The following BPNT1 variants were observed in gnomAD, a reference collection of about 807,000 sequenced individuals.
BPNT1 encodes 3'(2'), 5'-bisphosphate nucleotidase 1.
BPNT1 carries 28 observed loss-of-function variants against 36.9 expected under a neutral mutation model. That is an observed-to-expected ratio of 0.76 (90% CI 0.56 to 1.04). The LOEUF (loss-of-function observed/expected upper bound fraction) is 1.04. Among genes scored for constraint, BPNT1 ranks in the 50% least tolerant of loss-of-function variants. BPNT1 has a pLI of 0.00. For synonymous variants in BPNT1, 119 were observed against 130.9 expected (o/e 0.91, Z 0.62); for missense variants, 313 against 372.9 (o/e 0.84, Z 1.32).
chr1:220,082,079 T>TAG (rs1262791343), intron 1 of BPNT1, among the ~76,000 whole-genome samples: 69 of 110,540 alleles, frequency 6.2e-4, no homozygotes, highest in South Asian at 1.9e-3. Flanking sequence ...TATATATATA[T>TAG]ATATATAGAG....
intron 4 of BPNT1, among the ~76,000 whole-genome samples, chr1:220,071,025 T>A (rs1209317404): frequency 6.6e-6 from 1 of 151,346 alleles, no homozygotes; most frequent in Non-Finnish European, 1.5e-5. Context: ...TAATCCCAGT[T>A]ACTCAGGAGG....
chr1:220,082,492 G>A (rs1655274050), intron 1 of BPNT1, among the ~76,000 whole-genome samples: 1 of 151,880 alleles, frequency 6.6e-6, no homozygotes, highest in Non-Finnish European at 1.5e-5. Flanking sequence ...TGGGACTATA[G>A]AGAACATTAT....
At chr1:220,089,101 G>GAA (rs764942826) in intron 1 of BPNT1, among the ~76,000 whole-genome samples, 2,795 of 39,136 alleles carry the variant, frequency 0.071, 245 homozygotes, top group East Asian at 0.26. Context: ...ACTCCGTCTC[G>GAA]AAAAAAAAAA....
intron 2 of BPNT1, among the ~76,000 whole-genome samples, chr1:220,074,741 G>A (rs375800901): frequency 2.2e-4 from 34 of 151,924 alleles, no homozygotes; most frequent in African/African-American, 6.0e-4. Flanking sequence ...TGATCCACCC[G>A]CCTTGACCTC....
Position 220,082,079 on chromosome 1 carries a change from T to G in BPNT1, c.-8-2225A>C, listed in dbSNP as rs866922468. ...TCCAAGGACAATATATATATATATA[T>G]ATATATAGAGAGAGAGAGAGAGAGA... is the stretch of plus-strand genomic sequence containing the variant. On this transcript the variant is annotated intron_variant, in intron 1 of 8. Coordinates refer to ENST00000322067, the MANE Select transcript of BPNT1 (RefSeq NM_006085.6). Among the ~76,000 whole-genome samples the G allele has an allele frequency of 5.5e-3, 605 of 110,476 alleles. 2 individuals carry two copies. Among genetic ancestry groups the G allele is most frequent in the African/African-American group, 0.018 (552 of 31,396 alleles). The allele number at this position is 110,476 out of a possible 152,430, so 72.5% of individuals were successfully genotyped here. A position where few individuals can be genotyped will look rare whatever the true frequency, so the allele number is the denominator to read the frequency against.
chr1:220,082,696 T>C (rs1002336854), intron 1 of BPNT1, among the ~76,000 whole-genome samples: 3 of 151,794 alleles, frequency 2.0e-5, no homozygotes, highest in Non-Finnish European at 4.4e-5. Flanking sequence ...AAGTGATTCT[T>C]GTGCTTCAGC....
intron 7 of BPNT1, 93 bp downstream of exon 7, chr1:220,062,664 T>C (rs1231810318): frequency 2.9e-5 from 40 of 1,374,444 alleles, no homozygotes; most frequent in South Asian, 4.9e-5. Context: ...TACCCAGTAA[T>C]GGGATGGCTA....
At chr1:220,079,880 T>C (rs1377588262) in intron 1 of BPNT1, 26 bp from the exon 2 acceptor site, 1 of 1,599,800 alleles carries the variant, frequency 6.3e-7, no homozygotes, top group African/African-American at 1.3e-5. Context: ...GAAAAATGTC[T>C]TGTTAGTTTC....
chr1:220,071,828 C>G (rs1664087053), intron 4 of BPNT1, among the ~76,000 whole-genome samples: 2 of 151,990 alleles, frequency 1.3e-5, no homozygotes, highest in Admixed American at 1.3e-4. Flanking sequence ...ACTGGGATTA[C>G]AGGCATGTGC....
intron 4 of BPNT1, among the ~76,000 whole-genome samples, chr1:220,072,224 ATGG>A (rs1664127357): frequency 6.6e-6 from 1 of 151,642 alleles, no homozygotes; most frequent in African/African-American, 2.4e-5. Flanking sequence ...TTAGCTGGGC[ATGG>A]TGGTGCGCGC....
intron 7 of BPNT1, among the ~76,000 whole-genome samples, chr1:220,061,377 T>TA (rs1663013314): frequency 1.3e-5 from 2 of 151,684 alleles, no homozygotes; most frequent in South Asian, 4.2e-4. Flanking sequence ...CTTCTAGAAA[T>TA]ACAAAAATTA....
intron 8 of BPNT1, 76 bp from the exon 9 acceptor site, chr1:220,059,068 C>G: frequency 6.8e-7 from 1 of 1,464,106 alleles, no homozygotes; most frequent in Non-Finnish European, 9.4e-7. Context: ...TTTTAAGTGC[C>G]TTTTGCTTCC....
At chr1:220,083,106 ATG>A (rs1655349154) in intron 1 of BPNT1, among the ~76,000 whole-genome samples, 1 of 151,088 alleles carries the variant, frequency 6.6e-6, no homozygotes, top group Non-Finnish European at 1.5e-5. Flanking sequence ...GCGTGGTGGC[ATG>A]CACCTGTAAT....
At chr1:220,070,114 TA>T (rs1478254226) in intron 4 of BPNT1, among the ~76,000 whole-genome samples, 1 of 152,132 alleles carries the variant, frequency 6.6e-6, no homozygotes, top group African/African-American at 2.4e-5. Flanking sequence ...CATTTTTATA[TA>T]TAAGTGCTGA....
At position 220,058,970 on chromosome 1, in the gene BPNT1, C is replaced by T; in HGVS notation, c.801G>A (p.Gly267=). The change falls in exon 9 of 9, where the codon GGG becomes GGA. Residue 267 remains glycine, a synonymous_variant. Coordinates refer to ENST00000322067, the MANE Select transcript of BPNT1 (RefSeq NM_006085.6). ...AVGGKLTDIH[G]NVLQYHKDVK... ...CATCCTTGTGGTACTGAAGAACATT[C>T]CCATGGATATCGGTTAACTTGCCTA... The T allele has an allele frequency of 6.2e-7, 1 of 1,613,608 alleles. No individual in the cohort carries two copies. The highest frequency in any genetic ancestry group is 1.1e-5 in the South Asian group (1 of 91,034).
intron 5 of BPNT1, among the ~76,000 whole-genome samples, chr1:220,067,767 C>A (rs1663671084): frequency 1.3e-5 from 2 of 152,190 alleles, no homozygotes; most frequent in East Asian, 3.8e-4. Context: ...GTATTTCAAG[C>A]CTTTAAAACA....
In BPNT1 at chr1:220,079,865, A is replaced by T; in HGVS notation, c.-8-11T>A. 6.2e-7 allele frequency: 1 copy of T among 1,602,954 alleles called. No individual in the cohort carries two copies. The highest frequency in any genetic ancestry group is 8.5e-7 in the Non-Finnish European group (1 of 1,175,658). The stretch of plus-strand genomic sequence containing the variant: ...AAGCCATGGTACACTCTAAAAAGAG[A>T]TCAAGAAAAATGTCTTGTTAGTTTC... On this transcript the variant is annotated splice_polypyrimidine_tract_variant and intron_variant, in intron 1 of 8. Transcript: ENST00000322067.
At chr1:220,078,707 C>T (rs939859029) in intron 2 of BPNT1, among the ~76,000 whole-genome samples, 2 of 151,394 alleles carry the variant, frequency 1.3e-5, no homozygotes, top group African/African-American at 4.9e-5. Flanking sequence ...AAGTAATTCT[C>T]CTGCCTCAGC....
At chr1:220,075,024 T>A (rs1026632094) in intron 2 of BPNT1, among the ~76,000 whole-genome samples, 78 of 152,262 alleles carry the variant, frequency 5.1e-4, no homozygotes, top group African/African-American at 1.8e-3. Flanking sequence ...ACAGATTATA[T>A]CATCTTAGTA....
Sources: allele counts gnomAD v4.1 joint callset (sites outside exome capture counted in the v4.1 genomes callset), GRCh38; gene constraint gnomAD v4.1.1; transcripts MANE v1.5; gene names NCBI Gene and HGNC (gene_info 2026-07-23, HGNC 2026-07-21).